The following HDAC11 variants were observed in gnomAD, a reference collection of about 807,000 sequenced individuals.
HDAC11 encodes the protein histone deacetylase 11.
HDAC11 carries 23 observed loss-of-function variants against 41.1 expected under a neutral mutation model. The ratio of observed to expected loss-of-function variants is 0.56; its 90% confidence interval spans 0.40 to 0.79. The LOEUF (loss-of-function observed/expected upper bound fraction) is 0.79. Ranked by LOEUF, HDAC11 falls within the 30% of genes least tolerant of loss-of-function variation. The probability of loss-of-function intolerance (pLI) is 0.00; values close to 1 mark genes in which losing one functional copy is unlikely to be tolerated. For synonymous variants in HDAC11, 187 were observed against 186.6 expected, an observed-to-expected ratio of 1.00 and a Z score of -0.02; for missense variants, 402 against 477.3, an observed-to-expected ratio of 0.84 and a Z score of 1.47.
intron 3 of HDAC11, among the ~76,000 whole-genome samples, chr3:13,489,985 C>G (rs1049150854): frequency 6.6e-6 from 1 of 151,504 alleles, no homozygotes; most frequent in South Asian, 2.1e-4. Flanking sequence ...ATTGTGAGGC[C>G]TCCAACTTTG....
intron 6 of HDAC11, chr3:13,501,643 C>G (rs1035162589): frequency 2.8e-6 from 2 of 705,736 alleles, no homozygotes; most frequent in African/African-American, 3.5e-5. Context: ...ACAGGACATG[C>G]CCCCTCCTCC....
chr3:13,486,685 C>T (rs372530343), intron 3 of HDAC11, among the ~76,000 whole-genome samples: 5 of 146,114 alleles, frequency 3.4e-5, no homozygotes, highest in East Asian at 2.1e-4. Flanking sequence ...TCAAGCGATT[C>T]TCCTGCCTCA....
At chr3:13,500,288 C>T (rs1484056276) in intron 5 of HDAC11, among the ~76,000 whole-genome samples, 5 of 152,080 alleles carry the variant, frequency 3.3e-5, no homozygotes, top group East Asian at 1.9e-4. Context: ...GGGCCCTCCT[C>T]GTGGCTGTAG....
intron 6 of HDAC11, 113 bp from the exon 7 acceptor site, chr3:13,501,758 C>T (rs2125011382): frequency 1.1e-6 from 1 of 908,358 alleles, no homozygotes; most frequent in Non-Finnish European, 1.8e-6. Flanking sequence ...GGCCTGATTA[C>T]CCACAAGCAT....
chr3:13,487,341 T>G (rs1701644174), intron 3 of HDAC11, among the ~76,000 whole-genome samples: 1 of 152,218 alleles, frequency 6.6e-6, no homozygotes, highest in African/African-American at 2.4e-5. Context: ...ATTCTGTGTG[T>G]GCTGTGTAAC....
intron 3 of HDAC11, among the ~76,000 whole-genome samples, chr3:13,485,547 T>C (rs1701520034): frequency 6.6e-6 from 1 of 152,204 alleles, no homozygotes; most frequent in African/African-American, 2.4e-5. Context: ...TTGAGGGGCC[T>C]TCAGGGGAAC....
At position 13,480,758 on chromosome 3, in the gene HDAC11, C is replaced by A. The variant is rs1350195416; in HGVS notation, c.2+409C>A. The A allele has an allele frequency of 2.1e-6, 1 of 472,058 alleles. No individual in the cohort carries two copies. Among genetic ancestry groups the A allele is most frequent in the Non-Finnish European group, 4.3e-6 (1 of 229,910 alleles). 29.2% of individuals were successfully genotyped at this position (472,058 alleles called of 1,614,324 possible). On this transcript the variant is annotated intron_variant, in intron 1 of 9. Coordinates refer to ENST00000295757, the MANE Select transcript of HDAC11 (RefSeq NM_024827.4). This position sits in a 1 kb window ranked among gnomAD's most constrained non-coding sequence, Gnocchi z 4.6. ...GCAGCGGGGTCAGGGGATCCCCGCC[C>A]CCCGCCCTGGCTCAGGTTGGGTCCC...
At chr3:13,495,071 A>G (rs1702034482) in intron 3 of HDAC11, among the ~76,000 whole-genome samples, 1 of 151,868 alleles carries the variant, frequency 6.6e-6, no homozygotes, top group Admixed American at 6.6e-5. Context: ...CGCAATGGCC[A>G]CACTTCCCAC....
At chr3:13,488,133 C>A (rs1269477149) in intron 3 of HDAC11, among the ~76,000 whole-genome samples, 3 of 151,678 alleles carry the variant, frequency 2.0e-5, no homozygotes, top group African/African-American at 7.3e-5. Context: ...GAGACACAGA[C>A]CATAGCTCCA....
chr3:13,496,933 C>A, intron 4 of HDAC11, 81 bp downstream of exon 4: 1 of 640,304 alleles, frequency 1.6e-6, no homozygotes. Flanking sequence ...CCTGGAATGC[C>A]CTCCTCCCAC....
At chr3:13,492,720 T>C (rs1385479818) in intron 3 of HDAC11, among the ~76,000 whole-genome samples, 1 of 152,084 alleles carries the variant, frequency 6.6e-6, no homozygotes, top group Non-Finnish European at 1.5e-5. Flanking sequence ...ATTTTTGTGT[T>C]TTTAATGGAC....
At chr3:13,493,155 C>T (rs1010168662) in intron 3 of HDAC11, among the ~76,000 whole-genome samples, 21 of 152,304 alleles carry the variant, frequency 1.4e-4, no homozygotes, top group African/African-American at 5.1e-4. Flanking sequence ...GTCAGCAGTG[C>T]AGCACCCCCC....
intron 1 of HDAC11, 34 bp from the exon 2 acceptor site, chr3:13,481,212 C>G: frequency 6.2e-7 from 1 of 1,600,720 alleles, no homozygotes; most frequent in Non-Finnish European, 8.5e-7. Context: ...CCGAGGCTGC[C>G]CCAGCTGTGC....
In HDAC11 at chr3:13,500,738, C is replaced by T. The variant is rs774342289; in HGVS notation, c.438C>T (p.Ser146=). The T allele has an allele frequency of 9.4e-6, 15 of 1,596,644 alleles. No homozygotes were observed. The highest frequency in any genetic ancestry group is 1.7e-4 in the Middle Eastern group (1 of 5,908). Residue 146 remains serine (S), a synonymous_variant, in exon 6 of 10, where the codon AGC becomes AGT. Coordinates refer to ENST00000295757, the MANE Select transcript of HDAC11 (RefSeq NM_024827.4). ...GGGGTGGCTTCCACCACTGCTCCAG[C>T]GACCGTGGCGGGGGCTTCTGTGCCT... The part of the protein sequence containing the change: ...NVGGGFHHCS[S]DRGGGFCAYA...
At chr3:13,499,250 A>G (rs1574910368) in intron 5 of HDAC11, among the ~76,000 whole-genome samples, 1 of 151,940 alleles carries the variant, frequency 6.6e-6, no homozygotes, top group Admixed American at 6.6e-5. Context: ...GCTCACCGCA[A>G]CCTCCGCCTC....
chr3:13,481,379 A>C lies in HDAC11; in HGVS notation c.136A>C (p.Ile46Leu). The C allele has an allele frequency of 6.2e-7, 1 of 1,614,054 alleles. No homozygotes were observed. The highest frequency in any genetic ancestry group is 8.5e-7 in the Non-Finnish European group (1 of 1,179,998). The change falls in exon 2 of 10, where the codon ATC (isoleucine) becomes CTC (leucine). Residue 46 changes from isoleucine (I) to leucine (L), a missense_variant. Physicochemically the swap from Ile to Leu is conservative, Grantham distance 5. Transcript: ENST00000295757. Reference protein sequence around the residue: ...PFDAGKWGKVINFLKEEKLLS... With the variant: ...PFDAGKWGKVLNFLKEEKLLS... ...TGATGCCGGAAAATGGGGCAAAGTG[A>C]TCAATTTCCTAAAAGGTATGGAAGG...
chr3:13,495,816 T>A (rs1338107868), intron 3 of HDAC11, among the ~76,000 whole-genome samples: 1 of 152,186 alleles, frequency 6.6e-6, no homozygotes, highest in Non-Finnish European at 1.5e-5. Context: ...CTATTCACTC[T>A]TCACCTCCTG....
rs115244089 is a variant in HDAC11 at position 13,500,282 on chromosome 3, C to T, written c.413-431C>T. The stretch of plus-strand genomic sequence containing the variant: ...GGTGATGGATCCCGGGCTCTAGGGC[C>T]CTCCTCGTGGCTGTAGGCAGTCATG... On this transcript the variant is annotated intron_variant, in intron 5 of 9. Coordinates refer to ENST00000295757, the MANE Select transcript of HDAC11 (RefSeq NM_024827.4). 8.2e-3 allele frequency among the ~76,000 whole-genome samples: 1,250 copies of T among 152,178 alleles called. 14 individuals are homozygous for T. Among genetic ancestry groups the T allele is most frequent in the Non-Finnish European group, 0.011 (737 of 67,972 alleles).
Position 13,505,919 on chromosome 3 carries a change from A to T in HDAC11, c.*1236A>T, listed in dbSNP as rs1702602954. On this transcript the variant is annotated 3_prime_UTR_variant, in exon 10 of 10. Coordinates refer to ENST00000295757, the MANE Select transcript of HDAC11 (RefSeq NM_024827.4). ...CGGCAGCTGTGGCCCTGATCAAATCAGGGGCTGGGGAGGGAAAGTGGGTCC... is the reference window on the plus strand; with the variant it reads ...CGGCAGCTGTGGCCCTGATCAAATCTGGGGCTGGGGAGGGAAAGTGGGTCC... 1 of 152,268 alleles carries T rather than the reference A, an allele frequency of 6.6e-6. No homozygotes were observed. Among genetic ancestry groups the T allele is most frequent in the African/African-American group, 2.4e-5 (1 of 41,450 alleles). 9.4% of individuals were successfully genotyped at this position (152,268 alleles called of 1,614,324 possible). A position where few individuals can be genotyped will look rare whatever the true frequency, so the allele number is the denominator to read the frequency against.
Sources: gnomAD v4.1 joint callset for allele counts (sites outside exome capture counted in the v4.1 genomes callset) on GRCh38, gnomAD v4.1.1 for gene constraint, Gnocchi (gnomAD v3.1) non-coding constraint, MANE v1.5 for transcripts, NCBI Gene and HGNC (gene_info 2026-07-23, HGNC 2026-07-21) for gene names.